Variants in PARP12 observed in about 807,000 individuals in gnomAD.
PARP12 encodes the protein protein mono-ADP-ribosyltransferase PARP12.
In PARP12, 59 loss-of-function variants were observed where a neutral mutation model predicts 72.4. The observed-to-expected ratio is 0.81, with a 90% CI of 0.66 to 1.01. The LOEUF is 1.01. Among genes scored for constraint, PARP12 ranks in the 50% least tolerant of loss-of-function variants. PARP12 has a pLI of 0.00. For synonymous variants in PARP12, 403 were observed against 371.4 expected, an observed-to-expected ratio of 1.09 and a Z score of -0.98; for missense variants, 851 against 914.0, an observed-to-expected ratio of 0.93 and a Z score of 0.89.
In PARP12 at chr7:140,054,738, C is replaced by T. The variant is rs371640522; in HGVS notation, c.786G>A (p.Val262=). The change falls in exon 4 of 12, where the codon GTG becomes GTA. Residue 262 remains valine, a synonymous_variant. Coordinates refer to ENST00000263549, the MANE Select transcript of PARP12 (RefSeq NM_022750.4). ...TSERKDSSGS[V]SPNTLSQEEG... is the part of the protein sequence containing the mutation. ...CCTCCTGGCTAAGAGTGTTTGGGGA[C>T]ACAGAACCTGAACTGTCTTTTCTTT... 3.7e-5 allele frequency: 60 copies of T among 1,613,788 alleles called. No individual in the cohort carries two copies. Among genetic ancestry groups the T allele is most frequent in the Non-Finnish European group, 4.8e-5 (57 of 1,179,774 alleles).
intron 2 of PARP12, 59 bp from the exon 3 acceptor site, chr7:140,057,212 CCCAGTGGCCAGT>C (rs1817223759): frequency 6.7e-7 from 1 of 1,492,144 alleles, no homozygotes. Flanking sequence ...ACACCACCTC[CCCAGTGGCCAGT>C]CCACTGGTGA....
chr7:140,026,467 G>A (rs1027431101), intron 10 of PARP12, 119 bp from the exon 11 acceptor site: 13 of 1,356,346 alleles, frequency 9.6e-6, no homozygotes, highest in East Asian at 2.4e-5. Flanking sequence ...ACCAAGAGAC[G>A]CAGGTCACAG....
intron 5 of PARP12, among the ~76,000 whole-genome samples, chr7:140,043,939 G>C (rs1427927694): frequency 1.3e-5 from 2 of 152,196 alleles, no homozygotes; most frequent in African/African-American, 4.8e-5. Context: ...AGCCTGAGAG[G>C]AAGAAATGTG....
At chr7:140,043,231 A>C (rs1419607905) in intron 5 of PARP12, among the ~76,000 whole-genome samples, 2 of 152,164 alleles carry the variant, frequency 1.3e-5, no homozygotes, top group Non-Finnish European at 2.9e-5. Flanking sequence ...CCATCAAATC[A>C]AACATGAGCT....
Position 140,026,364 on chromosome 7 carries a change from A to G in PARP12, c.1629-16T>C. On this transcript the variant is annotated splice_polypyrimidine_tract_variant and intron_variant, in intron 10 of 11. Transcript: ENST00000263549. ...TCCTTTTTGCCTAGAATCACAGAAG[A>G]ATGTGTGCTGGGGGCAGAGTGTGCC... 6.2e-7 allele frequency: 1 copy of G among 1,603,962 alleles called. No individual in the cohort carries two copies. The highest frequency in any genetic ancestry group is 1.1e-5 in the South Asian group (1 of 90,614).
chr7:140,046,833 T>TGTGTCA lies in PARP12; in HGVS notation c.986+50_986+51insTGACAC, dbSNP rs1554514730. 8,426 of 1,186,624 alleles carry TGTGTCA rather than the reference T, an allele frequency of 7.1e-3. 539 individuals carry two copies. The highest frequency in any genetic ancestry group is 0.059 in the African/African-American group (3,574 of 60,478). 73.5% of individuals were successfully genotyped at this position (1,186,624 alleles called of 1,614,324 possible). A position where few individuals can be genotyped will look rare whatever the true frequency, so the allele number is the denominator to read the frequency against. On this transcript the variant is annotated intron_variant, in intron 5 of 11. Transcript: ENST00000263549. Reference sequence around the variant, plus strand: ...GTGTGTGTGTGTGTGTGTGTGTGTGTCACACACAGAAGCCCAGGCACAAAG... The same window carrying TGTGTCA: ...GTGTGTGTGTGTGTGTGTGTGTGTGTGTGTCACACACACAGAAGCCCAGGCACAAAG...
chr7:140,035,915 AAGGAGGAGGACAAGG>A (rs1280540576), intron 7 of PARP12, among the ~76,000 whole-genome samples: 1 of 56,896 alleles, frequency 1.8e-5, no homozygotes, highest in African/African-American at 1.0e-4. Context: ...GGAGGAGGAC[AAGGAGGAGGACAAGG>A]AGGAGGAGGA....
intron 6 of PARP12, chr7:140,038,123 G>A (rs1816294623): frequency 1.5e-5 from 15 of 985,282 alleles, no homozygotes; most frequent in Admixed American, 6.1e-5. Context: ...ACGGAGAGGA[G>A]GGCACTCAAG....
chr7:140,041,568 A>G lies in PARP12; in HGVS notation c.1182+76T>C, dbSNP rs1163744562. 4.1e-6 allele frequency: 6 copies of G among 1,454,636 alleles called. No homozygotes were observed. In the African/African-American group the frequency reaches 8.4e-5, roughly 20 times the overall value. The allele number at this position is 1,454,636 out of a possible 1,614,324, so 90.1% of individuals were successfully genotyped here. A position where few individuals can be genotyped will look rare whatever the true frequency, so the allele number is the denominator to read the frequency against. The stretch of plus-strand genomic sequence containing the variant: ...TCTCTCAAGGATGCCCCTGGCAACA[A>G]TATGGGGGCTCTTATTTGGCTCCTC... On this transcript the variant is annotated intron_variant, in intron 6 of 11. Transcript: ENST00000263549.
chr7:140,062,917 G>A lies in PARP12; in HGVS notation c.-70C>T, dbSNP rs1296644559. Reference sequence around the variant, plus strand: ...GACGGCGGCGGACGCTGGCTGGCGGGCGGCTCTCGCAGGGTGGAGACGCCG... The same window carrying A: ...GACGGCGGCGGACGCTGGCTGGCGGACGGCTCTCGCAGGGTGGAGACGCCG... On this transcript the variant is annotated 5_prime_UTR_variant, in exon 1 of 12. Transcript: ENST00000263549. 19 of 1,190,848 alleles carry A rather than the reference G, an allele frequency of 1.6e-5. No homozygotes were observed. Among genetic ancestry groups the A allele is most frequent in the Non-Finnish European group, 1.8e-5 (17 of 955,382 alleles). 73.8% of individuals were successfully genotyped at this position (1,190,848 alleles called of 1,614,324 possible). A position where few individuals can be genotyped will look rare whatever the true frequency, so the allele number is the denominator to read the frequency against.
At chr7:140,052,732 TTGTGTG>T (rs9340762) in intron 4 of PARP12, among the ~76,000 whole-genome samples, 6,054 of 145,780 alleles carry the variant, frequency 0.042, 223 homozygotes, top group African/African-American at 0.1. Flanking sequence ...AAGACCCCTT[TTGTGTG>T]TGTGTGTGTG....
intron 1 of PARP12, among the ~76,000 whole-genome samples, chr7:140,059,646 T>C (rs1293866910): frequency 6.6e-6 from 1 of 152,124 alleles, no homozygotes; most frequent in Non-Finnish European, 1.5e-5. Flanking sequence ...CTGCACCTTT[T>C]ACAGAATCCC....
Position 140,062,894 on chromosome 7 carries a change from C to T in PARP12, c.-47G>A. 4.1e-6 allele frequency: 5 copies of T among 1,218,914 alleles called. No individual in the cohort carries two copies. Among genetic ancestry groups the T allele is most frequent in the South Asian group, 3.0e-5 (1 of 33,128 alleles). 75.5% of individuals were successfully genotyped at this position (1,218,914 alleles called of 1,614,324 possible). ...CGGACCGCGGGTGGCGCGACGCGGA[C>T]GGCGGCGGACGCTGGCTGGCGGGCG... On this transcript the variant is annotated 5_prime_UTR_variant, in exon 1 of 12. Transcript: ENST00000263549.
At chr7:140,045,453 G>A (rs1044897126) in intron 5 of PARP12, among the ~76,000 whole-genome samples, 44 of 152,086 alleles carry the variant, frequency 2.9e-4, no homozygotes, top group Admixed American at 2.9e-3. Context: ...GTAAAGCTGA[G>A]GTAAAATGAG....
chr7:140,053,334 C>T (rs1817038616), intron 4 of PARP12, among the ~76,000 whole-genome samples: 1 of 152,028 alleles, frequency 6.6e-6, no homozygotes, highest in South Asian at 2.1e-4. Context: ...AAGCCAGGCA[C>T]AAGATAATAC....
chr7:140,036,089 A>G lies in PARP12; in HGVS notation c.1324+1626T>C, dbSNP rs13307686. 1.7e-3 allele frequency among the ~76,000 whole-genome samples: 251 copies of G among 145,968 alleles called. 2 individuals carry two copies. The highest frequency in any genetic ancestry group is 6.3e-3 in the African/African-American group (243 of 38,648). The stretch of plus-strand genomic sequence containing the variant: ...GAAGGAGGAGAAGGAGGAGAAGGAG[A>G]AGAATTGTGCCCACTCAAATGGGCT... On this transcript the variant is annotated intron_variant, in intron 7 of 11. Transcript: ENST00000263549.
At chr7:140,045,991 G>A (rs6969159) in intron 5 of PARP12, among the ~76,000 whole-genome samples, 36,787 of 145,516 alleles carry the variant, frequency 0.25, 5,106 homozygotes, top group East Asian at 0.56. Flanking sequence ...GGTGAACGAT[G>A]GGAGTAGGCA....
intron 3 of PARP12, among the ~76,000 whole-genome samples, chr7:140,055,022 A>C (rs1817124865): frequency 6.6e-6 from 1 of 152,138 alleles, no homozygotes; most frequent in South Asian, 2.1e-4. Flanking sequence ...CTGTCCATTC[A>C]ATTCACTAGG....
chr7:140,060,710 C>G (rs1817408969), intron 1 of PARP12, among the ~76,000 whole-genome samples: 1 of 150,276 alleles, frequency 6.7e-6, no homozygotes, highest in Non-Finnish European at 1.5e-5. Flanking sequence ...CCACCATTTG[C>G]TGTGTGCCTT....
Sources: gnomAD v4.1 joint callset for allele counts (sites outside exome capture counted in the v4.1 genomes callset) on GRCh38, gnomAD v4.1.1 for gene constraint, MANE v1.5 for transcripts, NCBI Gene and HGNC (gene_info 2026-07-23, HGNC 2026-07-21) for gene names.